F11R: variants seen among roughly 807,000 people sequenced by gnomAD.
The protein encoded by F11R is junctional adhesion molecule A.
A neutral mutation model predicts 39.3 loss-of-function variants in F11R; 27 were observed. The observed-to-expected ratio is 0.69, with a 90% CI of 0.51 to 0.95. The LOEUF (loss-of-function observed/expected upper bound fraction) is 0.95. F11R is among the 40% of genes least tolerant of loss of function. F11R has a pLI of 0.00. For missense variants in F11R, 335 were observed against 372.7 expected, an observed-to-expected ratio of 0.90 and a Z score of 0.83; for synonymous variants, 131 against 144.9, an observed-to-expected ratio of 0.90 and a Z score of 0.69.
intron 4 of F11R, 77 bp from the exon 5 acceptor site, chr1:161,000,425 C>T (rs1648413779): frequency 6.8e-7 from 1 of 1,480,590 alleles, no homozygotes; most frequent in Non-Finnish European, 9.3e-7. Context: ...TACAATGGTA[C>T]CCCCAACTAC....
intron 1 of F11R, chr1:161,002,584 T>A (rs1262650825): frequency 6.6e-6 from 1 of 152,200 alleles, no homozygotes; most frequent in Non-Finnish European, 1.5e-5. Flanking sequence ...TCATGAAATA[T>A]CCTTTTATTT....
At chr1:161,004,781 A>C (rs1391177634) in intron 1 of F11R, among the ~76,000 whole-genome samples, 1 of 152,060 alleles carries the variant, frequency 6.6e-6, no homozygotes, top group East Asian at 1.9e-4. Flanking sequence ...ATGAAAAAAA[A>C]ACTAATAAAA....
chr1:161,002,261 C>CAAAAAAAAAA (rs34007325), intron 1 of F11R, among the ~76,000 whole-genome samples: 3 of 68,664 alleles, frequency 4.4e-5, no homozygotes, highest in South Asian at 5.4e-4. Context: ...GACTCAATCT[C>CAAAAAAAAAA]AAAAAAAAAA....
Position 161,000,322 on chromosome 1 carries a change from T to C in F11R, c.415A>G (p.Ile139Val). 1 of 1,613,984 alleles carries C rather than the reference T, an allele frequency of 6.2e-7. No homozygotes were observed. The highest frequency in any genetic ancestry group is 8.5e-7 in the Non-Finnish European group (1 of 1,180,012). The stretch of plus-strand genomic sequence containing the variant: ...TTCCCAATGGTGGCAGAGGAGGGGA[T>C]GTTAACTGTAGGCTTGGATGGAGGC... ...LVPPSKPTVN[I>V]PSSATIGNRA... Residue 139 changes from isoleucine to valine, a missense_variant, in exon 5 of 10, where the codon ATC becomes GTC. Physicochemically the swap from Ile to Val is conservative, Grantham distance 29. Transcript: ENST00000368026.
rs572581166 is a variant in F11R at position 161,016,120 on chromosome 1, T to C, written c.64+4890A>G. ...TGGAAAGCCTAGGCAAGAGGATTAC[T>C]TGAAGTCAGGAGTTCGAGACCAGCC... On this transcript the variant is annotated intron_variant, in intron 1 of 9. Coordinates refer to ENST00000368026, the MANE Select transcript of F11R (RefSeq NM_016946.6). Among the ~76,000 whole-genome samples the C allele has an allele frequency of 4.6e-5, 7 of 152,000 alleles. No homozygotes were observed. In the South Asian group the frequency reaches 1.5e-3, roughly 32 times the overall value.
intron 8 of F11R, 72 bp downstream of exon 8, chr1:160,999,324 C>G: frequency 6.2e-7 from 1 of 1,600,196 alleles, no homozygotes; most frequent in Non-Finnish European, 8.6e-7. Flanking sequence ...TTCCCCTAGG[C>G]CCACTTCAGC....
At chr1:161,018,938 A>G (rs1192689315) in intron 1 of F11R, among the ~76,000 whole-genome samples, 1 of 152,190 alleles carries the variant, frequency 6.6e-6, no homozygotes, top group South Asian at 2.1e-4. Flanking sequence ...ATGACCTTCC[A>G]GTGCCAGTAT....
chr1:160,999,430 C>T (rs755263856), intron 7 of F11R, 22 bp from the exon 8 acceptor site: 4 of 1,614,200 alleles, frequency 2.5e-6, no homozygotes, highest in Non-Finnish European at 3.4e-6. Flanking sequence ...GAAATGGGAT[C>T]ATGAGTGTCA....
intron 1 of F11R, among the ~76,000 whole-genome samples, chr1:161,003,558 C>T (rs571567132): frequency 3.0e-4 from 45 of 152,034 alleles, no homozygotes; most frequent in African/African-American, 1.1e-3. Flanking sequence ...CCACGGCGAC[C>T]GGCCTAATTT....
chr1:161,016,624 T>TC (rs1649480316), intron 1 of F11R, among the ~76,000 whole-genome samples: 1 of 151,862 alleles, frequency 6.6e-6, no homozygotes, highest in African/African-American at 2.4e-5. Context: ...GCTACTGCAT[T>TC]CCAGCCTGGG....
chr1:160,999,141 A>T (rs1204836403), intron 8 of F11R, 50 bp from the exon 9 acceptor site: 1 of 1,612,194 alleles, frequency 6.2e-7, no homozygotes, highest in Admixed American at 1.7e-5. Flanking sequence ...GGTGCTTATT[A>T]ACCTCCCCTT....
chr1:161,010,910 G>T (rs1325009711), intron 1 of F11R, among the ~76,000 whole-genome samples: 1 of 148,882 alleles, frequency 6.7e-6, no homozygotes, highest in Non-Finnish European at 1.5e-5. Flanking sequence ...GGAGGTGGAG[G>T]TTGCAGTGAG....
chr1:161,014,697 T>G (rs773566714), intron 1 of F11R, among the ~76,000 whole-genome samples: 22 of 152,030 alleles, frequency 1.4e-4, no homozygotes, highest in Non-Finnish European at 2.6e-4. Context: ...CCCAGCACTT[T>G]GGGAGGCCAA....
rs1442840943 is a variant in F11R at position 161,008,512 on chromosome 1, AAG to A, written c.65-7161_65-7160del. On this transcript the variant is annotated intron_variant, in intron 1 of 9. Coordinates refer to ENST00000368026, the MANE Select transcript of F11R (RefSeq NM_016946.6). ...GCGAGACCCCGTCTCAAAAAAAAAAAAGAAAGTCCATTCTCCATTCCACTACT... is the reference window on the plus strand; with the variant it reads ...GCGAGACCCCGTCTCAAAAAAAAAAAAAAGTCCATTCTCCATTCCACTACT... Among the ~76,000 whole-genome samples the A allele has an allele frequency of 1.3e-4, 20 of 152,178 alleles. 1 individual carries two copies. In the East Asian group the frequency reaches 1.9e-3, roughly 15 times the overall value.
intron 1 of F11R, among the ~76,000 whole-genome samples, chr1:161,005,081 A>T (rs1648725819): frequency 1.3e-5 from 2 of 150,590 alleles, no homozygotes; most frequent in Non-Finnish European, 3.0e-5. Flanking sequence ...GAATCACTGA[A>T]CCCAGGAGGT....
intron 1 of F11R, among the ~76,000 whole-genome samples, chr1:161,018,752 C>T (rs573722268): frequency 6.6e-6 from 1 of 152,140 alleles, no homozygotes; most frequent in Non-Finnish European, 1.5e-5. Flanking sequence ...CTCCCCCAAC[C>T]CAACCCCAGA....
intron 1 of F11R, among the ~76,000 whole-genome samples, chr1:161,001,950 C>G (rs1312713750): frequency 6.6e-6 from 1 of 152,072 alleles, no homozygotes; most frequent in Non-Finnish European, 1.5e-5. Flanking sequence ...ACTGAGAGTA[C>G]AAGAAGTAAA....
intron 1 of F11R, chr1:161,002,467 C>T (rs1403606875): frequency 6.6e-6 from 1 of 152,034 alleles, no homozygotes; most frequent in Non-Finnish European, 1.5e-5. Flanking sequence ...AGGAGGGACC[C>T]ACAAAGGTCA....
intron 1 of F11R, among the ~76,000 whole-genome samples, chr1:161,017,364 G>A (rs946926362): frequency 2.7e-4 from 41 of 152,158 alleles, no homozygotes; most frequent in Non-Finnish European, 5.0e-4. Context: ...GGAATGTCTC[G>A]GTATAAAACC....
Sources: allele counts gnomAD v4.1 joint callset (sites outside exome capture counted in the v4.1 genomes callset), GRCh38; gene constraint gnomAD v4.1.1; transcripts MANE v1.5; gene names NCBI Gene and HGNC (gene_info 2026-07-23, HGNC 2026-07-21).